Variants in UBE2H observed in about 807,000 individuals in gnomAD.
UBE2H encodes the protein ubiquitin conjugating enzyme E2 H.
In UBE2H, 3 loss-of-function variants were observed where a neutral mutation model predicts 29.0. The observed-to-expected ratio is 0.10, with a 90% confidence interval of 0.05 to 0.27. UBE2H has a LOEUF of 0.27. Among genes scored for constraint, UBE2H ranks in the 10% least tolerant of loss-of-function variants. The probability of loss-of-function intolerance (pLI) is 1.00; values close to 1 mark genes in which losing one functional copy is unlikely to be tolerated. For missense variants in UBE2H, 68 were observed against 228.2 expected, an observed-to-expected ratio of 0.30 and a Z score of 4.52; for synonymous variants, 69 against 82.9, an observed-to-expected ratio of 0.83 and a Z score of 0.91.
chr7:129,875,102 A>G (rs1412851619), intron 3 of UBE2H, among the ~76,000 whole-genome samples: 1 of 152,230 alleles, frequency 6.6e-6, no homozygotes, highest in Non-Finnish European at 1.5e-5. Flanking sequence ...GGACAGTCAA[A>G]AGACATACAT....
chr7:129,854,285 A>C (rs1001981139), intron 5 of UBE2H, among the ~76,000 whole-genome samples: 1 of 152,180 alleles, frequency 6.6e-6, no homozygotes, highest in Admixed American at 6.5e-5. Flanking sequence ...GAACGAACAT[A>C]TTCTACCAGT....
At chr7:129,872,741 G>A (rs1806064851) in intron 3 of UBE2H, among the ~76,000 whole-genome samples, 1 of 149,534 alleles carries the variant, frequency 6.7e-6, no homozygotes, top group Non-Finnish European at 1.5e-5. Context: ...TACTCAGGAG[G>A]CTGAGGCAGG....
chr7:129,849,650 C>T (rs942764957), intron 5 of UBE2H, among the ~76,000 whole-genome samples: 2 of 152,140 alleles, frequency 1.3e-5, no homozygotes, highest in Non-Finnish European at 2.9e-5. Flanking sequence ...CATTTCTCCA[C>T]CTGTTTTGAG....
chr7:129,919,259 T>C (rs2116465846), intron 1 of UBE2H, among the ~76,000 whole-genome samples: 1 of 152,314 alleles, frequency 6.6e-6, no homozygotes, highest in South Asian at 2.1e-4. Flanking sequence ...AGTAAACAGC[T>C]AAGCTAATGC....
rs1461410418 is a variant in UBE2H at position 129,831,044 on chromosome 7, T to G, written c.*3893A>C. The G allele has an allele frequency of 6.6e-6, 1 of 152,012 alleles. No homozygotes were observed. The allele number at this position is 152,012 out of a possible 1,614,324, so 9.4% of individuals were successfully genotyped here. A position where few individuals can be genotyped will look rare whatever the true frequency, so the allele number is the denominator to read the frequency against. On this transcript the variant is annotated 3_prime_UTR_variant, in exon 7 of 7. Transcript: ENST00000355621. ...CAGCCAAGATGAGTGTTAGGCTAAA[T>G]TCAGAGCCCTGGCTCTTCCTCAGAT...
intron 3 of UBE2H, among the ~76,000 whole-genome samples, chr7:129,866,616 C>A (rs1370348577): frequency 6.6e-6 from 1 of 152,168 alleles, no homozygotes. Context: ...AAAGATCAGG[C>A]TCCAAAAGAT....
At chr7:129,931,406 C>A (rs1015876802) in intron 1 of UBE2H, among the ~76,000 whole-genome samples, 4 of 150,608 alleles carry the variant, frequency 2.7e-5, no homozygotes, top group African/African-American at 7.3e-5. Context: ...AAAAAAAAAA[C>A]CTGAAGACCT....
At chr7:129,913,395 AAC>A (rs1806979350) in intron 1 of UBE2H, among the ~76,000 whole-genome samples, 1 of 152,212 alleles carries the variant, frequency 6.6e-6, no homozygotes, top group Non-Finnish European at 1.5e-5. Context: ...GCATTAACAC[AAC>A]AGTCTACTCC....
chr7:129,880,435 A>G lies in UBE2H; in HGVS notation c.130+460T>C, dbSNP rs1443146615. ...GCAGAAGAATTGCTTGAACCCAGGA[A>G]GTGGAGGTTACGGTAAGCCACAATC... is the stretch of plus-strand genomic sequence containing the variant. On this transcript the variant is annotated intron_variant, in intron 2 of 6. Transcript: ENST00000355621. Among the ~76,000 whole-genome samples the G allele has an allele frequency of 1.9e-4, 29 of 152,124 alleles. 2 individuals carry two copies. Among genetic ancestry groups the G allele is most frequent in the Admixed American group, 1.9e-3 (29 of 15,274 alleles).
intron 1 of UBE2H, among the ~76,000 whole-genome samples, chr7:129,940,468 C>A (rs1454026958): frequency 2.0e-5 from 3 of 152,118 alleles, no homozygotes; most frequent in Non-Finnish European, 4.4e-5. Flanking sequence ...TAGAGAATGG[C>A]AAAGTCTTCC....
intron 2 of UBE2H, among the ~76,000 whole-genome samples, chr7:129,880,376 G>A (rs898337987): frequency 2.6e-5 from 4 of 152,062 alleles, no homozygotes; most frequent in African/African-American, 9.7e-5. Flanking sequence ...CGTGGTGGCA[G>A]GCACCTATAG....
chr7:129,856,461 T>C (rs1285315917), intron 5 of UBE2H, among the ~76,000 whole-genome samples: 2 of 152,018 alleles, frequency 1.3e-5, no homozygotes, highest in African/African-American at 4.8e-5. Flanking sequence ...AATAATCTAG[T>C]AGCACAAAAA....
chr7:129,877,111 T>C (rs972025500), intron 3 of UBE2H, among the ~76,000 whole-genome samples: 3 of 152,234 alleles, frequency 2.0e-5, no homozygotes, highest in Non-Finnish European at 2.9e-5. Context: ...CTAATGGATA[T>C]GGGTCATTTA....
chr7:129,834,114 T>TGA lies in UBE2H; in HGVS notation c.*821_*822dup, dbSNP rs1805280307. On this transcript the variant is annotated 3_prime_UTR_variant, in exon 7 of 7. Coordinates refer to ENST00000355621, the MANE Select transcript of UBE2H (RefSeq NM_003344.4). ...ACTGCCAAACACTAGGATGAGGATGTGACTCTGCATGTGTTTTGGATGAGA... is the reference window on the plus strand; with the variant it reads ...ACTGCCAAACACTAGGATGAGGATGTGAGACTCTGCATGTGTTTTGGATGAGA... 1 of 152,186 alleles carries TGA rather than the reference T, an allele frequency of 6.6e-6. No homozygotes were observed. The highest frequency in any genetic ancestry group is 1.5e-5 in the Non-Finnish European group (1 of 68,040). 9.4% of individuals were successfully genotyped at this position (152,186 alleles called of 1,614,324 possible). A position where few individuals can be genotyped will look rare whatever the true frequency, so the allele number is the denominator to read the frequency against.
chr7:129,919,778 T>C lies in UBE2H; in HGVS notation c.53+32725A>G, dbSNP rs77198184. ...ATGTCTCACCTCTCTTGTTACCATC[T>C]TTACTGCTTTGCACAGGGTCTGACA... On this transcript the variant is annotated intron_variant, in intron 1 of 6. Coordinates refer to ENST00000355621, the MANE Select transcript of UBE2H (RefSeq NM_003344.4). 3.2e-3 allele frequency among the ~76,000 whole-genome samples: 486 copies of C among 152,324 alleles called. 1 individual carries two copies. Among genetic ancestry groups the C allele is most frequent in the African/African-American group, 0.011 (453 of 41,580 alleles).
intron 5 of UBE2H, among the ~76,000 whole-genome samples, chr7:129,853,023 G>A (rs1244575891): frequency 6.6e-6 from 1 of 152,182 alleles, no homozygotes; most frequent in African/African-American, 2.4e-5. Flanking sequence ...ACCGTGCCCA[G>A]CCTACAACTT....
intron 1 of UBE2H, among the ~76,000 whole-genome samples, chr7:129,947,155 G>T (rs932666206): frequency 6.6e-6 from 1 of 152,182 alleles, no homozygotes; most frequent in Non-Finnish European, 1.5e-5. Flanking sequence ...TTAGGCTTGC[G>T]TGTAATTTAC....
intron 1 of UBE2H, among the ~76,000 whole-genome samples, chr7:129,944,204 A>T (rs1285083297): frequency 6.6e-6 from 1 of 152,000 alleles, no homozygotes; most frequent in Non-Finnish European, 1.5e-5. Context: ...AAAATACAAA[A>T]AATTAGCCAG....
intron 5 of UBE2H, among the ~76,000 whole-genome samples, chr7:129,843,278 A>G (rs1013681942): frequency 6.6e-6 from 1 of 152,010 alleles, no homozygotes; most frequent in Non-Finnish European, 1.5e-5. Flanking sequence ...GAATTACAGG[A>G]GTGAGCCACT....
Sources: gnomAD v4.1 joint callset for allele counts (sites outside exome capture counted in the v4.1 genomes callset) on GRCh38, gnomAD v4.1.1 for gene constraint, MANE v1.5 for transcripts, NCBI Gene and HGNC (gene_info 2026-07-23, HGNC 2026-07-21) for gene names.